Variants in MICU3 observed in about 807,000 individuals in gnomAD.
The protein encoded by MICU3 is mitochondrial calcium uptake 3, also known as calcium uptake protein 3, mitochondrial.
A neutral mutation model predicts 66.5 loss-of-function variants in MICU3; 62 were observed. That is an observed-to-expected ratio of 0.93 (90% CI 0.76 to 1.15). MICU3 has a LOEUF of 1.15. Ranked by LOEUF, MICU3 falls within the 50% of genes most tolerant of loss-of-function variation. MICU3 has a pLI of 0.00. For missense variants in MICU3, 779 were observed against 664.4 expected (o/e 1.17, Z -1.90); for synonymous variants, 308 against 240.7 (o/e 1.28, Z -2.59).
intron 11 of MICU3, among the ~76,000 whole-genome samples, chr8:17,109,513 T>A (rs1465091163): frequency 2.6e-5 from 4 of 152,022 alleles, no homozygotes; most frequent in Admixed American, 2.6e-4. Flanking sequence ...TGAAAAAAAA[T>A]TCTTTACTAG....
At position 17,105,677 on chromosome 8, in the gene MICU3, T is replaced by C. The variant is rs139528664; in HGVS notation, c.1257+93T>C. ...CCTTTTGTTAGTTCTTTGGCTTCTC[T>C]GTGGATTAAAAGATATCTTGGATGT... On this transcript the variant is annotated intron_variant, in intron 11 of 14. Transcript: ENST00000318063. 7.0e-4 allele frequency: 452 copies of C among 647,908 alleles called. 3 individuals are homozygous for C. The African/African-American group carries it at 7.3e-3, about 10-fold the overall frequency. The allele number at this position is 647,908 out of a possible 1,614,324, so 40.1% of individuals were successfully genotyped here. A position where few individuals can be genotyped will look rare whatever the true frequency, so the allele number is the denominator to read the frequency against.
chr8:17,043,542 G>A (rs1389425677), intron 1 of MICU3, among the ~76,000 whole-genome samples: 1 of 152,170 alleles, frequency 6.6e-6, no homozygotes, highest in African/African-American at 2.4e-5. Flanking sequence ...TGTGGTGAAT[G>A]GAGATCAGTG....
intron 1 of MICU3, among the ~76,000 whole-genome samples, chr8:17,037,488 A>C (rs1813242191): frequency 6.6e-6 from 1 of 152,220 alleles, no homozygotes; most frequent in South Asian, 2.1e-4. Flanking sequence ...GCAAGCCCTA[A>C]GCCTTGGAGG....
At chr8:17,077,960 T>C (rs997264521) in intron 4 of MICU3, 99 bp downstream of exon 4, 2 of 659,348 alleles carry the variant, frequency 3.0e-6, no homozygotes, top group Non-Finnish European at 4.9e-6. Context: ...TTAAATTACA[T>C]CTATGTGTAT....
At chr8:17,033,667 G>C (rs1397973621) in intron 1 of MICU3, among the ~76,000 whole-genome samples, 1 of 152,154 alleles carries the variant, frequency 6.6e-6, no homozygotes, top group Non-Finnish European at 1.5e-5. Context: ...TTGATGTCCT[G>C]ACTTCGTGAT....
At chr8:17,118,658 T>G in intron 13 of MICU3, 49 bp from the exon 14 acceptor site, 1 of 1,177,280 alleles carries the variant, frequency 8.5e-7, no homozygotes, top group East Asian at 2.4e-5. Context: ...GAAATCACGC[T>G]GTATTTGTCT....
At chr8:17,126,161 A>G (rs1336264708), downstream of MICU3, among the ~76,000 whole-genome samples, 4 of 146,382 alleles carry the variant, frequency 2.7e-5, no homozygotes, top group East Asian at 2.0e-4. Flanking sequence ...AATTCTTCCT[A>G]AACAGTTTCA....
intron 1 of MICU3, among the ~76,000 whole-genome samples, chr8:17,050,069 C>T (rs1815800562): frequency 6.6e-6 from 1 of 152,014 alleles, no homozygotes; most frequent in Non-Finnish European, 1.5e-5. Context: ...TTGATTGTTT[C>T]TATTTTTTCA....
intron 6 of MICU3, 135 bp from the exon 7 acceptor site, chr8:17,086,829 G>T (rs898455299): frequency 8.0e-6 from 5 of 625,984 alleles, no homozygotes; most frequent in African/African-American, 7.5e-5. Flanking sequence ...TCAGAAAATA[G>T]ATCTATAGCA....
rs1283557468 is a variant in MICU3 at position 17,122,374 on chromosome 8, T to G, written c.*2087T>G. 6.6e-6 allele frequency: 1 copy of G among 151,916 alleles called. No individual in the cohort carries two copies. 9.4% of individuals were successfully genotyped at this position (151,916 alleles called of 1,614,324 possible). A position where few individuals can be genotyped will look rare whatever the true frequency, so the allele number is the denominator to read the frequency against. On this transcript the variant is annotated 3_prime_UTR_variant, in exon 15 of 15. Transcript: ENST00000318063. ...TTTGCTAGTGGTTTGAAAATAATAA[T>G]GTACTGACTACATGTATGCTGTTAT...
chr8:17,037,887 C>A (rs1183777709), intron 1 of MICU3, among the ~76,000 whole-genome samples: 1 of 152,210 alleles, frequency 6.6e-6, no homozygotes, highest in Admixed American at 6.5e-5. Context: ...CATTTTGGAG[C>A]TTTAAGATTT....
intron 1 of MICU3, among the ~76,000 whole-genome samples, chr8:17,052,302 C>G (rs142561092): frequency 2.7e-3 from 410 of 152,046 alleles, no homozygotes; most frequent in Non-Finnish European, 4.1e-3. Context: ...ATGATCAAAT[C>G]AAGGTATTTA....
intron 1 of MICU3, among the ~76,000 whole-genome samples, chr8:17,044,556 G>C (rs1814741674): frequency 6.6e-6 from 1 of 152,178 alleles, no homozygotes; most frequent in East Asian, 1.9e-4. Flanking sequence ...TGAAAACATT[G>C]TGGTATATTG....
intron 1 of MICU3, among the ~76,000 whole-genome samples, chr8:17,061,306 A>G (rs192666159): frequency 6.6e-6 from 1 of 152,250 alleles, no homozygotes; most frequent in East Asian, 1.9e-4. Context: ...TGGGTTTGGT[A>G]AGCTGGGGGA....
intron 2 of MICU3, 22 bp from the exon 3 acceptor site, chr8:17,069,666 A>G (rs756193526): frequency 2.8e-6 from 4 of 1,448,448 alleles, no homozygotes; most frequent in African/African-American, 1.4e-5. Flanking sequence ...TTATCTAATT[A>G]TCTTACATTT....
chr8:17,060,496 G>C (rs886330288), intron 1 of MICU3, among the ~76,000 whole-genome samples: 1 of 152,088 alleles, frequency 6.6e-6, no homozygotes, highest in African/African-American at 2.4e-5. Context: ...ATTTTTAGTA[G>C]AGACAGGGTT....
rs572742991 is a variant in MICU3, at chr8:17,120,847, A to T, written c.*560A>T. On this transcript the variant is annotated 3_prime_UTR_variant, in exon 15 of 15. Transcript: ENST00000318063. ...TAGAAATTAAGCTACTATATAAAAC[A>T]ATTGTTTACGTGTACTTTTAACTTT... 3.3e-5 allele frequency: 5 copies of T among 152,578 alleles called. No individual in the cohort carries two copies. The East Asian group carries it at 9.6e-4, about 29-fold the overall frequency. 9.5% of individuals were successfully genotyped at this position (152,578 alleles called of 1,614,324 possible). A position where few individuals can be genotyped will look rare whatever the true frequency, so the allele number is the denominator to read the frequency against.
At chr8:17,136,793 A>G in the MICU3 span, among the ~76,000 whole-genome samples, 7 of 151,662 alleles carry the variant, frequency 4.6e-5, no homozygotes, top group South Asian at 1.5e-3. Context: ...GCCGTGGTGC[A>G]GAGGCTGTAG....
chr8:17,074,375 G>A (rs894346079), intron 3 of MICU3, among the ~76,000 whole-genome samples: 2 of 152,038 alleles, frequency 1.3e-5, no homozygotes, highest in Admixed American at 6.6e-5. Context: ...AATGTGAAGA[G>A]TTTCCTTTCA....
Sources: gnomAD v4.1 joint callset for allele counts (sites outside exome capture counted in the v4.1 genomes callset) on GRCh38, gnomAD v4.1.1 for gene constraint, MANE v1.5 for transcripts, NCBI Gene and HGNC (gene_info 2026-07-23, HGNC 2026-07-21) for gene names.